PRELP: variants seen among roughly 807,000 people sequenced by gnomAD.
PRELP encodes proline and arginine rich end leucine rich repeat protein, also known as prolargin.
PRELP carries 16 observed loss-of-function variants against 22.8 expected under a neutral mutation model. The ratio of observed to expected loss-of-function variants is 0.70; its 90% CI spans 0.47 to 1.06. The LOEUF (loss-of-function observed/expected upper bound fraction) is 1.06, where lower values mean the gene tolerates loss of function less well. Ranked by LOEUF, PRELP falls within the 50% of genes least tolerant of loss-of-function variation. The pLI is 0.00. For synonymous variants in PRELP, 233 were observed against 211.4 expected (o/e 1.10, Z -0.89); for missense variants, 434 against 485.2 (o/e 0.89, Z 0.99).
rs1558231898 is a variant in PRELP, at chr1:203,483,421, C to T, written c.237C>T (p.Cys79=). The T allele has an allele frequency of 3.1e-6, 5 of 1,614,130 alleles. No homozygotes were observed. The highest frequency in any genetic ancestry group is 4.2e-6 in the Non-Finnish European group (5 of 1,179,988). The part of the protein sequence containing the change: ...IFPDCPRECY[C]PPDFPSALYC... ...CTGACTGTCCCCGCGAATGCTACTG[C>T]CCCCCTGATTTCCCATCTGCCCTCT... is the stretch of plus-strand genomic sequence containing the variant. Residue 79 remains cysteine (C), a synonymous_variant, in exon 2 of 3, where the codon TGC becomes TGT. Transcript: ENST00000343110. This position sits in a 1 kb window ranked among gnomAD's most constrained non-coding sequence, Gnocchi z 4.4.
At chr1:203,477,066 G>C (rs954619179) in intron 1 of PRELP, among the ~76,000 whole-genome samples, 1 of 152,130 alleles carries the variant, frequency 6.6e-6, no homozygotes, top group Non-Finnish European at 1.5e-5. Context: ...GGCAGGCGGG[G>C]TGTAGGGAGA....
chr1:203,479,706 C>CAAAAAAAAAAA (rs397844598), intron 1 of PRELP, among the ~76,000 whole-genome samples: 2 of 52,518 alleles, frequency 3.8e-5, no homozygotes, highest in Non-Finnish European at 6.9e-5. Context: ...CCTGTATCAC[C>CAAAAAAAAAAA]AAAAAAAAAA....
chr1:203,476,783 C>T (rs923239947), intron 1 of PRELP, among the ~76,000 whole-genome samples: 13 of 152,182 alleles, frequency 8.5e-5, no homozygotes, highest in Non-Finnish European at 1.5e-4. Flanking sequence ...AGAAAGCGAC[C>T]CAGTTCCCAA....
intron 1 of PRELP, among the ~76,000 whole-genome samples, chr1:203,477,875 C>G (rs1660939020): frequency 2.0e-5 from 3 of 152,214 alleles, no homozygotes; most frequent in Admixed American, 6.5e-5. Context: ...CAAGCTTTCC[C>G]TAGGTGGCTG....
chr1:203,489,213 C>T lies in PRELP; in HGVS notation c.*2332C>T, dbSNP rs1661149268. The T allele has an allele frequency of 6.6e-6, 1 of 152,576 alleles. No individual in the cohort carries two copies. The highest frequency in any genetic ancestry group is 2.4e-5 in the African/African-American group (1 of 41,424). 9.5% of individuals were successfully genotyped at this position (152,576 alleles called of 1,614,324 possible). On this transcript the variant is annotated 3_prime_UTR_variant, in exon 3 of 3. Coordinates refer to ENST00000343110, the MANE Select transcript of PRELP (RefSeq NM_002725.4). ...CAGCCTCAGCCCCTTTGATGAGGCC[C>T]TCAGGGGAGAGGTCATTACCTTGAT...
intron 1 of PRELP, among the ~76,000 whole-genome samples, chr1:203,480,297 A>G (rs1351056354): frequency 6.6e-6 from 1 of 152,188 alleles, no homozygotes. Flanking sequence ...GCCCAGTAGA[A>G]AGCTGTGGGT....
rs1041271017 is a variant in PRELP at position 203,481,004 on chromosome 1, C to A, written c.-16-2165C>A. On this transcript the variant is annotated intron_variant, in intron 1 of 2. Transcript: ENST00000343110. ...AGACCAGGGCTGCCCTGGCACTGAGCCAAGGAAACCCCGCCCCGCCCAGCA... is the reference window on the plus strand; with the variant it reads ...AGACCAGGGCTGCCCTGGCACTGAGACAAGGAAACCCCGCCCCGCCCAGCA... Among the ~76,000 whole-genome samples, 14 of 128,416 alleles carry A rather than the reference C, an allele frequency of 1.1e-4. No individual in the cohort carries two copies. In the South Asian group the frequency reaches 3.6e-3, roughly 33 times the overall value. 84.2% of individuals were successfully genotyped at this position (128,416 alleles called of 152,430 possible).
At position 203,487,357 on chromosome 1, in the gene PRELP, C is replaced by G. The variant is rs1661111408; in HGVS notation, c.*476C>G. ...ACCCAGTTCTCCTGGGCCAAGGATCCCTTCTGGCAAAGCTGCTGCTCCGCC... is the reference window on the plus strand; with the variant it reads ...ACCCAGTTCTCCTGGGCCAAGGATCGCTTCTGGCAAAGCTGCTGCTCCGCC... On this transcript the variant is annotated 3_prime_UTR_variant, in exon 3 of 3. Transcript: ENST00000343110. The G allele has an allele frequency of 6.5e-6, 1 of 153,272 alleles. No individual in the cohort carries two copies. 9.5% of individuals were successfully genotyped at this position (153,272 alleles called of 1,614,324 possible). A position where few individuals can be genotyped will look rare whatever the true frequency, so the allele number is the denominator to read the frequency against.
intron 1 of PRELP, among the ~76,000 whole-genome samples, chr1:203,476,455 A>C (rs1426281918): frequency 6.6e-6 from 1 of 152,166 alleles, no homozygotes; most frequent in Non-Finnish European, 1.5e-5. Context: ...CAGCAGACAC[A>C]CACACACATG....
intron 2 of PRELP, 25 bp downstream of exon 2, chr1:203,484,182 G>GGGGGCC: frequency 6.3e-7 from 1 of 1,585,412 alleles, no homozygotes; most frequent in Non-Finnish European, 8.6e-7. Context: ...CCGGGGCGGG[G>GGGGGCC]CCGAAGGCAA....
At chr1:203,480,457 T>C (rs1660981044) in intron 1 of PRELP, among the ~76,000 whole-genome samples, 1 of 152,202 alleles carries the variant, frequency 6.6e-6, no homozygotes, top group South Asian at 2.1e-4. Context: ...TGACTACCCA[T>C]GGAGTCCAGG....
chr1:203,483,939 A>G lies in PRELP; in HGVS notation c.755A>G (p.Asn252Ser). The part of the protein sequence containing the change: ...TAIHQLYLDS[N>S]KIETIPNGYF... ...ATTCACCAGCTCTACCTGGACAGTA[A>G]CAAGATTGAGACCATCCCTAACGGA... Residue 252 changes from asparagine to serine, a missense_variant, in exon 2 of 3, where the codon AAC becomes AGC. Physicochemically the swap from Asn to Ser is conservative, Grantham distance 46. Transcript: ENST00000343110. This position sits in a 1 kb window ranked among gnomAD's most constrained non-coding sequence, Gnocchi z 4.4. 6.2e-7 allele frequency: 1 copy of G among 1,614,234 alleles called. No homozygotes were observed. The highest frequency in any genetic ancestry group is 8.5e-7 in the Non-Finnish European group (1 of 1,180,052).
chr1:203,485,466 T>C (rs981380880), intron 2 of PRELP, among the ~76,000 whole-genome samples: 12 of 152,194 alleles, frequency 7.9e-5, no homozygotes, highest in African/African-American at 2.9e-4. Context: ...CCTAGGTCAG[T>C]GGGGTGATTA....
In PRELP at chr1:203,486,872, G is replaced by A. The variant is rs1442976156; in HGVS notation, c.1140G>A (p.Val380=). Residue 380 remains valine (V), a synonymous_variant, in exon 3 of 3, where the codon GTG becomes GTA. Transcript: ENST00000343110. ...TGTGCTTCCGCCTCCTGCAGTCCGTGGTCATCTAGGCCCTACTCCGCCACC... is the reference window on the plus strand; with the variant it reads ...TGTGCTTCCGCCTCCTGCAGTCCGTAGTCATCTAGGCCCTACTCCGCCACC... ...LMMCFRLLQS[V]VI 1.9e-6 allele frequency: 3 copies of A among 1,613,258 alleles called. No homozygotes were observed. The highest frequency in any genetic ancestry group is 3.3e-5 in the Admixed American group (2 of 59,922).
intron 1 of PRELP, among the ~76,000 whole-genome samples, chr1:203,476,703 A>G (rs1260437528): frequency 6.6e-6 from 1 of 152,174 alleles, no homozygotes; most frequent in Non-Finnish European, 1.5e-5. Flanking sequence ...TCCAACCTGC[A>G]CAGTGTCTTC....
chr1:203,480,940 T>C (rs1660988732), intron 1 of PRELP, among the ~76,000 whole-genome samples: 1 of 152,244 alleles, frequency 6.6e-6, no homozygotes, highest in Admixed American at 6.5e-5. Flanking sequence ...TGGGTGGAGC[T>C]GTGAGTAACC....
In PRELP at chr1:203,489,644, G is replaced by A. The variant is rs1326164359; in HGVS notation, c.*2763G>A. 1.3e-5 allele frequency: 2 copies of A among 152,238 alleles called. No individual in the cohort carries two copies. The highest frequency in any genetic ancestry group is 2.4e-5 in the African/African-American group (1 of 41,450). The allele number at this position is 152,238 out of a possible 1,614,324, so 9.4% of individuals were successfully genotyped here. ...TGCGTGAACTCAACGGTGTGAACAG[G>A]TCAAGAATAACACTTCAAAGTCATC... On this transcript the variant is annotated 3_prime_UTR_variant, in exon 3 of 3. Transcript: ENST00000343110.
At chr1:203,476,688 C>CT (rs1660916866) in intron 1 of PRELP, among the ~76,000 whole-genome samples, 1 of 151,910 alleles carries the variant, frequency 6.6e-6, no homozygotes, top group Admixed American at 6.6e-5. Context: ...AGAAAAACGG[C>CT]TTTTTCCAAC....
intron 1 of PRELP, among the ~76,000 whole-genome samples, chr1:203,477,729 A>AGCTGGGTGC (rs1660937074): frequency 1.5e-5 from 2 of 136,614 alleles, no homozygotes; most frequent in Non-Finnish European, 3.1e-5. Flanking sequence ...AAGGGGCAAA[A>AGCTGGGTGC]AGCTGGGAGA....
Sources: allele counts gnomAD v4.1 joint callset (sites outside exome capture counted in the v4.1 genomes callset), GRCh38; gene constraint gnomAD v4.1.1; non-coding constraint Gnocchi (gnomAD v3.1); transcripts MANE v1.5; gene names NCBI Gene and HGNC (gene_info 2026-07-23, HGNC 2026-07-21).